The following EEA1 variants were observed in gnomAD, a reference collection of about 807,000 sequenced individuals.
The protein encoded by EEA1 is early endosome antigen 1.
Under a neutral mutation model 209.2 loss-of-function variants are expected in EEA1, and 111 were observed. The ratio of observed to expected loss-of-function variants is 0.53; its 90% CI spans 0.45 to 0.62. EEA1 has a LOEUF of 0.62. Ranked by LOEUF, EEA1 falls within the 20% of genes least tolerant of loss-of-function variation. The probability of loss-of-function intolerance (pLI) is 0.00; values close to 1 mark genes in which losing one functional copy is unlikely to be tolerated. For missense variants in EEA1, 1,343 were observed against 1,530.8 expected (o/e 0.88, Z 2.05); for synonymous variants, 536 against 540.6 (o/e 0.99, Z 0.12).
Position 92,773,843 on chromosome 12 carries a change from G to A in EEA1, c.*2168C>T, listed in dbSNP as rs1289061022. 6.6e-6 allele frequency: 1 copy of A among 151,416 alleles called. No homozygotes were observed. Among genetic ancestry groups the A allele is most frequent in the Non-Finnish European group, 1.5e-5 (1 of 67,582 alleles). 9.4% of individuals were successfully genotyped at this position (151,416 alleles called of 1,614,324 possible). ...ATTATCAGTATAGTAGCCTATGGTA[G>A]GTAAATTACTCGGGACTTATGAAAT... On this transcript the variant is annotated 3_prime_UTR_variant, in exon 29 of 29. Coordinates refer to ENST00000322349, the MANE Select transcript of EEA1 (RefSeq NM_003566.4).
chr12:92,891,651 A>G lies in EEA1; in HGVS notation c.95T>C (p.Val32Ala), dbSNP rs1277756501. The G allele has an allele frequency of 1.9e-6, 3 of 1,606,122 alleles. No individual in the cohort carries two copies. The highest frequency in any genetic ancestry group is 1.7e-4 in the Middle Eastern group (1 of 6,044). Residue 32 changes from valine to alanine, a missense_variant, in exon 2 of 29, where the codon GTC (valine) becomes GCC (alanine). By Grantham distance (64) the Val-to-Ala change is moderately conservative (BLOSUM62 0). Coordinates refer to ENST00000322349, the MANE Select transcript of EEA1 (RefSeq NM_003566.4). ...TACCTCTGAAGAGCTTTCATTATTG[A>G]CGTCCACTGTGTTTATAGGAGTTGC... ...SSATPINTVD[V>A]NNESSSEGFI...
chr12:92,856,760 C>T (rs1456884657), intron 5 of EEA1, among the ~76,000 whole-genome samples: 1 of 141,832 alleles, frequency 7.1e-6, no homozygotes, highest in East Asian at 2.1e-4. Context: ...CATATAGATA[C>T]CTGATTCTTT....
intron 10 of EEA1, among the ~76,000 whole-genome samples, chr12:92,837,347 A>ACTG (rs1324518525): frequency 2.0e-5 from 3 of 152,144 alleles, no homozygotes; most frequent in Non-Finnish European, 4.4e-5. Flanking sequence ...GCCTGTGACT[A>ACTG]CTGCACTATA....
chr12:92,922,178 T>G (rs1031384692), intron 1 of EEA1, among the ~76,000 whole-genome samples: 1 of 152,208 alleles, frequency 6.6e-6, no homozygotes, highest in Admixed American at 6.5e-5. Flanking sequence ...TATTTTCTCC[T>G]GCCTACTGAA....
intron 2 of EEA1, among the ~76,000 whole-genome samples, chr12:92,866,001 G>A (rs528815141): frequency 6.0e-4 from 91 of 151,238 alleles, no homozygotes; most frequent in African/African-American, 2.0e-3. Flanking sequence ...CACCCGCCTC[G>A]GCCTCCCAAA....
At position 92,812,995 on chromosome 12, in the gene EEA1, T is replaced by C. The variant is rs894161363; in HGVS notation, c.2028A>G (p.Leu676=). The change falls in exon 16 of 29, where the codon TTA becomes TTG. Residue 676 remains leucine (L), a synonymous_variant. Transcript: ENST00000322349. ...GTTTCCCTACCTGCTGTTTATCTTG[T>C]AATGCATTTTGAGCTGTGTCCAAAT... is the stretch of plus-strand genomic sequence containing the variant. ...QNHLDTAQNA[L]QDKQQELNKI... is the part of the protein sequence containing the mutation. 6.3e-7 allele frequency: 1 copy of C among 1,582,964 alleles called. No individual in the cohort carries two copies. Among genetic ancestry groups the C allele is most frequent in the Non-Finnish European group, 8.6e-7 (1 of 1,158,954 alleles).
At chr12:92,793,125 G>A (rs1035100707) in intron 21 of EEA1, among the ~76,000 whole-genome samples, 1 of 152,026 alleles carries the variant, frequency 6.6e-6, no homozygotes, top group African/African-American at 2.4e-5. Context: ...TTGAGGGAAC[G>A]TATCTCAAAA....
At chr12:92,855,222 G>T (rs1301776250) in intron 5 of EEA1, among the ~76,000 whole-genome samples, 1 of 152,198 alleles carries the variant, frequency 6.6e-6, no homozygotes, top group African/African-American at 2.4e-5. Context: ...GAGGTCAGGA[G>T]ATCGAGACCA....
intron 6 of EEA1, among the ~76,000 whole-genome samples, chr12:92,853,360 T>A (rs1877722004): frequency 6.6e-6 from 1 of 152,180 alleles, no homozygotes; most frequent in Non-Finnish European, 1.5e-5. Context: ...ATCTTTTTTT[T>A]AAGAGATGGG....
intron 1 of EEA1, among the ~76,000 whole-genome samples, chr12:92,899,909 T>C (rs1425978663): frequency 6.6e-6 from 1 of 152,202 alleles, no homozygotes; most frequent in African/African-American, 2.4e-5. Context: ...CTCCAATGGC[T>C]CTGATAATGA....
Position 92,829,457 on chromosome 12 carries a change from T to C in EEA1, c.1255-1396A>G, listed in dbSNP as rs189964518. 2.5e-3 allele frequency among the ~76,000 whole-genome samples: 377 copies of C among 152,256 alleles called. 1 individual carries two copies. The highest frequency in any genetic ancestry group is 8.4e-3 in the African/African-American group (347 of 41,552). On this transcript the variant is annotated intron_variant, in intron 11 of 28. Coordinates refer to ENST00000322349, the MANE Select transcript of EEA1 (RefSeq NM_003566.4). Reference sequence around the variant, plus strand: ...TGAATGCTTATATTTATTCATTCATTCACTCACTAAAACATAGGCAGATTA... The same window carrying C: ...TGAATGCTTATATTTATTCATTCATCCACTCACTAAAACATAGGCAGATTA...
intron 5 of EEA1, among the ~76,000 whole-genome samples, chr12:92,854,966 A>G (rs953857574): frequency 3.3e-5 from 5 of 152,194 alleles, no homozygotes; most frequent in Non-Finnish European, 5.9e-5. Flanking sequence ...CCTTTTAAGC[A>G]CTGTGAACCG....
intron 8 of EEA1, 36 bp downstream of exon 8, chr12:92,852,139 A>G: frequency 6.6e-7 from 1 of 1,507,742 alleles, no homozygotes; most frequent in Non-Finnish European, 8.9e-7. Flanking sequence ...TTAGAAAGGT[A>G]TAAGAGTACA....
chr12:92,812,191 C>T (rs1469049912), intron 16 of EEA1, among the ~76,000 whole-genome samples: 3 of 151,782 alleles, frequency 2.0e-5, no homozygotes, highest in African/African-American at 7.3e-5. Context: ...TAGCCAGGCA[C>T]GGTGGCACAT....
chr12:92,858,130 A>G (rs752176619), intron 3 of EEA1: 537 of 575,336 alleles, frequency 9.3e-4, no homozygotes, highest in Admixed American at 1.5e-3. Flanking sequence ...AGAAGGGCAC[A>G]TTCCTCTTCA....
In EEA1 at chr12:92,771,724, G is replaced by A. The variant is rs374749305; in HGVS notation, c.*4287C>T. The A allele has an allele frequency of 2.0e-5, 3 of 152,116 alleles. No homozygotes were observed. Among genetic ancestry groups the A allele is most frequent in the East Asian group, 3.9e-4 (2 of 5,180 alleles). 9.4% of individuals were successfully genotyped at this position (152,116 alleles called of 1,614,324 possible). ...TTACATTAACAATCATCTTGCAAAT[G>A]TTTAGATATAAACTAACCTCGGAGG... On this transcript the variant is annotated 3_prime_UTR_variant, in exon 29 of 29. Transcript: ENST00000322349.
chr12:92,816,920 G>GT (rs1307042950), intron 14 of EEA1, among the ~76,000 whole-genome samples: 1 of 151,086 alleles, frequency 6.6e-6, no homozygotes, highest in Non-Finnish European at 1.5e-5. Context: ...TTTCATAATG[G>GT]TATCTTTTGA....
chr12:92,781,160 T>C (rs1274051584), intron 23 of EEA1, among the ~76,000 whole-genome samples: 1 of 152,096 alleles, frequency 6.6e-6, no homozygotes, highest in East Asian at 1.9e-4. Context: ...TCCCTCCTCC[T>C]TGGTCTCTGG....
At position 92,857,322 on chromosome 12, in the gene EEA1, C is replaced by G. The variant is rs150091509; in HGVS notation, c.319G>C (p.Glu107Gln). Residue 107 changes from glutamate to glutamine, a missense_variant, in exon 5 of 29, where the codon GAA becomes CAA. Around this residue, in one of 3 missense-constraint regions of EEA1, gnomAD observed 1,307 missense variants for 1,465.5 expected, o/e 0.89. Transcript: ENST00000322349. ...TTTTCTAATTCCTTCTTTAATTCTTCCGAGTACCATTTTTCTTCCTAATAA... is the reference window on the plus strand; with the variant it reads ...TTTTCTAATTCCTTCTTTAATTCTTGCGAGTACCATTTTTCTTCCTAATAA... ...ASLKEEKWYSEELKKELEKYQ... is the reference protein window; with the variant it reads ...ASLKEEKWYSQELKKELEKYQ... 1,822 of 1,593,112 alleles carry G rather than the reference C, an allele frequency of 1.1e-3. 13 individuals carry two copies. The Admixed American group carries it at 0.017, about 15-fold the overall frequency.
Sources: gnomAD v4.1 joint callset for allele counts (sites outside exome capture counted in the v4.1 genomes callset) on GRCh38, gnomAD v4.1.1 for gene constraint, gnomAD v4.1.1 regional missense constraint, MANE v1.5 for transcripts, NCBI Gene and HGNC (gene_info 2026-07-23, HGNC 2026-07-21) for gene names.